The following ARHGAP24 variants were observed in gnomAD, a reference collection of about 807,000 sequenced individuals.
ARHGAP24 encodes the protein Rho GTPase activating protein 24.
In ARHGAP24, 50 loss-of-function variants were observed where a neutral mutation model predicts 76.4. The observed-to-expected ratio is 0.65, with a 90% CI of 0.52 to 0.83. The LOEUF is 0.83. Among genes scored for constraint, ARHGAP24 ranks in the 40% least tolerant of loss-of-function variants. The pLI, the probability that ARHGAP24 is intolerant of heterozygous loss-of-function variation, is 0.00. For synonymous variants in ARHGAP24, 345 were observed against 323.3 expected (o/e 1.07, Z -0.72); for missense variants, 930 against 914.2 (o/e 1.02, Z -0.22).
intron 3 of ARHGAP24, among the ~76,000 whole-genome samples, chr4:85,755,170 G>A (rs945137697): frequency 2.6e-5 from 4 of 152,100 alleles, no homozygotes; most frequent in African/African-American, 4.8e-5. Flanking sequence ...AATTTTCTGT[G>A]AGGTTAGTTG....
intron 3 of ARHGAP24, among the ~76,000 whole-genome samples, chr4:85,922,535 A>G (rs1578391457): frequency 6.6e-6 from 1 of 152,242 alleles, no homozygotes; most frequent in Admixed American, 6.5e-5. Context: ...TGAAAATTAA[A>G]TGTTGATAGA....
chr4:85,994,829 C>T lies in ARHGAP24; in HGVS notation c.1175C>T (p.Pro392Leu), dbSNP rs1408439408. ...PQRSSMNNGSPTALSGSKTNS... is the reference protein window; with the variant it reads ...PQRSSMNNGSLTALSGSKTNS... The stretch of plus-strand genomic sequence containing the variant: ...AGAAGCAGCATGAACAATGGATCCC[C>T]CACAGCTCTATCAGGCAGCAAAACC... The change falls in exon 9 of 10, where the codon CCC becomes CTC. Residue 392 changes from proline to leucine, a missense_variant. Physicochemically the swap from Pro to Leu is moderately conservative, Grantham distance 98. Coordinates refer to ENST00000395184, the MANE Select transcript of ARHGAP24 (RefSeq NM_001025616.3). The T allele has an allele frequency of 6.2e-7, 1 of 1,613,958 alleles. No individual in the cohort carries two copies. Among genetic ancestry groups the T allele is most frequent in the Admixed American group, 1.7e-5 (1 of 59,980 alleles).
chr4:85,776,218 G>A lies in ARHGAP24; in HGVS notation c.268+54246G>A, dbSNP rs117949907. ...ACTATAAACCTGAAAACTGAGAGGA[G>A]GAGATCAAGAGTTAGAGAATTCCGA... On this transcript the variant is annotated intron_variant, in intron 3 of 9. Coordinates refer to ENST00000395184, the MANE Select transcript of ARHGAP24 (RefSeq NM_001025616.3). Among the ~76,000 whole-genome samples the A allele has an allele frequency of 4.6e-4, 70 of 152,156 alleles. 2 individuals are homozygous for A. In the East Asian group the frequency reaches 0.014, roughly 29 times the overall value.
chr4:85,804,375 A>C (rs964233106), intron 3 of ARHGAP24, among the ~76,000 whole-genome samples: 2 of 152,166 alleles, frequency 1.3e-5, no homozygotes, highest in East Asian at 3.8e-4. Context: ...AATAGTTGCA[A>C]TAAACTTATA....
intron 3 of ARHGAP24, among the ~76,000 whole-genome samples, chr4:85,743,241 G>A (rs1023701920): frequency 7.2e-5 from 11 of 151,780 alleles, no homozygotes; most frequent in African/African-American, 1.9e-4. Context: ...ATATTTAGGG[G>A]AATAAAAGAG....
intron 3 of ARHGAP24, among the ~76,000 whole-genome samples, chr4:85,788,062 A>G (rs1192471963): frequency 6.6e-6 from 1 of 152,158 alleles, no homozygotes; most frequent in Non-Finnish European, 1.5e-5. Flanking sequence ...AGACAAATCC[A>G]GAGAAGCCCA....
At chr4:85,818,901 G>A (rs1729356373) in intron 3 of ARHGAP24, among the ~76,000 whole-genome samples, 1 of 152,024 alleles carries the variant, frequency 6.6e-6, no homozygotes, top group Admixed American at 6.5e-5. Context: ...CTCATTCTTT[G>A]TCTTTCCTTC....
intron 1 of ARHGAP24, among the ~76,000 whole-genome samples, chr4:85,551,130 G>T (rs1726120110): frequency 6.6e-6 from 1 of 152,158 alleles, no homozygotes; most frequent in Non-Finnish European, 1.5e-5. Context: ...AATGCTTCTA[G>T]CTTTTGTCCA....
At chr4:85,971,251 A>G (rs1447142180) in intron 5 of ARHGAP24, among the ~76,000 whole-genome samples, 1 of 152,218 alleles carries the variant, frequency 6.6e-6, no homozygotes, top group Non-Finnish European at 1.5e-5. Flanking sequence ...AATGAGTCCA[A>G]CATTTTGAGA....
intron 1 of ARHGAP24, among the ~76,000 whole-genome samples, chr4:85,524,716 C>T (rs148095269): frequency 1.2e-4 from 18 of 152,326 alleles, no homozygotes; most frequent in African/African-American, 3.4e-4. Flanking sequence ...ATGCTGGAAG[C>T]AGGAGCAGAG....
chr4:85,977,589 T>C lies in ARHGAP24; in HGVS notation c.826T>C (p.Ser276Pro). The change falls in exon 8 of 10, where the codon TCC (serine) becomes CCC (proline). Residue 276 changes from serine (S) to proline (P), a missense_variant. Physicochemically the swap from Ser to Pro is moderately conservative, Grantham distance 74. Transcript: ENST00000395184. ...YICRFLDEVQ[S>P]YSGVNKMSVQ... ...CCATAGATTCTTGGATGAAGTACAG[T>C]CCTACTCGGGAGTTAACAAAATGAG... The C allele has an allele frequency of 1.2e-6, 2 of 1,613,846 alleles. No homozygotes were observed. Among genetic ancestry groups the C allele is most frequent in the Non-Finnish European group, 8.5e-7 (1 of 1,179,798 alleles).
chr4:85,861,563 T>C (rs1227679778), intron 3 of ARHGAP24, among the ~76,000 whole-genome samples: 1 of 152,096 alleles, frequency 6.6e-6, no homozygotes, highest in African/African-American at 2.4e-5. Context: ...GTGCACTGCT[T>C]GGGCATGTTG....
intron 2 of ARHGAP24, among the ~76,000 whole-genome samples, chr4:85,642,011 T>A (rs10000472): frequency 0.34 from 51,214 of 152,002 alleles, 9,644 homozygotes; most frequent in East Asian, 0.84. Flanking sequence ...GTCCATTCAA[T>A]GTCTTCTTGA....
intron 2 of ARHGAP24, among the ~76,000 whole-genome samples, chr4:85,691,296 A>T (rs540363328): frequency 2.6e-5 from 4 of 152,122 alleles, no homozygotes; most frequent in Admixed American, 2.0e-4. Context: ...TATGTTCCAT[A>T]TGCAGATGAG....
At chr4:85,589,619 C>T (rs1387957399) in intron 2 of ARHGAP24, among the ~76,000 whole-genome samples, 1 of 152,138 alleles carries the variant, frequency 6.6e-6, no homozygotes, top group Non-Finnish European at 1.5e-5. Flanking sequence ...ACATCTCCGG[C>T]CAGAGATATA....
At chr4:85,502,539 G>C (rs1303794238) in intron 1 of ARHGAP24, among the ~76,000 whole-genome samples, 1 of 152,084 alleles carries the variant, frequency 6.6e-6, no homozygotes, top group Non-Finnish European at 1.5e-5. Context: ...TTGGTGTATA[G>C]GAATGCTTGT....
At chr4:85,675,697 G>A (rs889782208) in intron 2 of ARHGAP24, among the ~76,000 whole-genome samples, 5 of 152,172 alleles carry the variant, frequency 3.3e-5, no homozygotes, top group African/African-American at 4.8e-5. Context: ...AGGGCTTGGC[G>A]GTGACTGAAG....
chr4:85,518,281 A>G (rs938659188), intron 1 of ARHGAP24, among the ~76,000 whole-genome samples: 9 of 152,182 alleles, frequency 5.9e-5, no homozygotes, highest in African/African-American at 1.2e-4. Context: ...AAAATTGACT[A>G]TGAAGAATGA....
chr4:85,584,966 T>C (rs1727785607), intron 2 of ARHGAP24, among the ~76,000 whole-genome samples: 1 of 152,166 alleles, frequency 6.6e-6, no homozygotes, highest in Non-Finnish European at 1.5e-5. Flanking sequence ...CATGCTTGGT[T>C]GTTTACTAAG....
Sources: gnomAD v4.1 joint callset for allele counts (sites outside exome capture counted in the v4.1 genomes callset) on GRCh38, gnomAD v4.1.1 for gene constraint, MANE v1.5 for transcripts, NCBI Gene and HGNC (gene_info 2026-07-23, HGNC 2026-07-21) for gene names.